ESRRG: variants seen among roughly 807,000 people sequenced by gnomAD.
ESRRG encodes the protein estrogen-related receptor gamma.
A neutral mutation model predicts 44.0 loss-of-function variants in ESRRG; 13 were observed. That is an observed-to-expected ratio of 0.30 (90% confidence interval 0.19 to 0.47). The LOEUF is 0.47. ESRRG is among the 20% of genes least tolerant of loss of function. ESRRG has a pLI of 1.00. For missense variants in ESRRG, 395 were observed against 580.6 expected (o/e 0.68, Z 3.29); for synonymous variants, 215 against 214.6 (o/e 1.00, Z -0.02).
intron 1 of ESRRG, among the ~76,000 whole-genome samples, chr1:216,951,717 A>ATGTGTGTG (rs59233267): frequency 5.5e-3 from 787 of 143,708 alleles, no homozygotes; most frequent in South Asian, 0.012. Flanking sequence ...AACTATCACT[A>ATGTGTGTG]TGTGTGTGTG....
At position 216,982,565 on chromosome 1, in the gene ESRRG, T is replaced by C. The variant is rs1037160483; in HGVS notation, c.-105-42892A>G. Among the ~76,000 whole-genome samples the C allele has an allele frequency of 2.0e-5, 3 of 152,156 alleles. No individual in the cohort carries two copies. In the South Asian group the frequency reaches 6.2e-4, roughly 32 times the overall value. ...AAGGGCAATTTCTGCAGAGCTATGGTTTTATAAAACACCTTCAGGAGAAAA... is the reference window on the plus strand; with the variant it reads ...AAGGGCAATTTCTGCAGAGCTATGGCTTTATAAAACACCTTCAGGAGAAAA... On this transcript the variant is annotated intron_variant, in intron 1 of 7. Coordinates refer to the ESRRG transcript ENST00000359162.
chr1:217,119,385 C>T (rs915337384), intron 1 of ESRRG, among the ~76,000 whole-genome samples: 1 of 152,214 alleles, frequency 6.6e-6, no homozygotes, highest in Non-Finnish European at 1.5e-5. Flanking sequence ...TTAATCCCTT[C>T]AGGTACATGA....
At chr1:216,885,070 C>T (rs2096496274) in intron 2 of ESRRG, among the ~76,000 whole-genome samples, 1 of 152,016 alleles carries the variant, frequency 6.6e-6, no homozygotes. Flanking sequence ...CCACATAGTC[C>T]AACTATTCCA....
At chr1:216,516,690 A>C (rs912386373) in intron 6 of ESRRG, among the ~76,000 whole-genome samples, 3 of 105,248 alleles carry the variant, frequency 2.9e-5, no homozygotes, top group Non-Finnish European at 3.9e-5. Context: ...GAGAAACGAC[A>C]AAAAAAATAG....
At position 217,124,612 on chromosome 1, in the gene ESRRG, A is replaced by G. The variant is rs533787572; in HGVS notation, c.-230+13055T>C. Among the ~76,000 whole-genome samples the G allele has an allele frequency of 1.4e-4, 22 of 152,332 alleles. 1 individual carries two copies. In the South Asian group the frequency reaches 4.6e-3, roughly 32 times the overall value. On this transcript the variant is annotated intron_variant, in intron 1 of 8. Transcript: ENST00000366940. ...ACTATTTAAATCCATCCATCAGATG[A>G]ATACACCACTCTTGAGTTATCTGAA...
chr1:216,885,535 C>G (rs2149352553), intron 2 of ESRRG, among the ~76,000 whole-genome samples: 1 of 151,166 alleles, frequency 6.6e-6, no homozygotes, highest in East Asian at 2.0e-4. Flanking sequence ...GAAAAGTCAC[C>G]CATTCTCCCA....
intron 5 of ESRRG, among the ~76,000 whole-genome samples, chr1:216,536,003 C>G (rs114839615): frequency 6.6e-6 from 1 of 152,108 alleles, no homozygotes; most frequent in Non-Finnish European, 1.5e-5. Flanking sequence ...TGTTCAGATC[C>G]GATTTGATCT....
At chr1:216,881,447 T>C (rs1439287815) in intron 2 of ESRRG, among the ~76,000 whole-genome samples, 1 of 152,114 alleles carries the variant, frequency 6.6e-6, no homozygotes, top group Admixed American at 6.5e-5. Flanking sequence ...CTTCCTCTGG[T>C]CCTCTTCTAA....
At chr1:216,721,880 C>G (rs1045349968) in intron 1 of ESRRG, among the ~76,000 whole-genome samples, 1 of 152,080 alleles carries the variant, frequency 6.6e-6, no homozygotes, top group Non-Finnish European at 1.5e-5. Flanking sequence ...TGTTTCTTCC[C>G]TTGAGTGTTT....
chr1:216,975,726 T>C (rs1013288425), intron 1 of ESRRG, among the ~76,000 whole-genome samples: 10 of 152,132 alleles, frequency 6.6e-5, no homozygotes, highest in African/African-American at 2.4e-4. Flanking sequence ...ATCCCTTTGA[T>C]TGTAGAATGC....
intron 2 of ESRRG, among the ~76,000 whole-genome samples, chr1:216,667,146 C>T (rs563965441): frequency 1.3e-4 from 20 of 152,226 alleles, no homozygotes; most frequent in South Asian, 6.2e-4. Flanking sequence ...CTACTCCGTC[C>T]GAGGACACTA....
intron 3 of ESRRG, among the ~76,000 whole-genome samples, chr1:216,631,366 A>G (rs1819770): frequency 0.81 from 122,856 of 152,202 alleles, 49,802 homozygotes; most frequent in Middle Eastern, 0.84. Flanking sequence ...GCTACTTATT[A>G]TCTTGGTAAA....
intron 1 of ESRRG, among the ~76,000 whole-genome samples, chr1:217,053,941 A>G (rs992299465): frequency 3.3e-5 from 5 of 151,848 alleles, no homozygotes; most frequent in African/African-American, 1.2e-4. Flanking sequence ...GTCTCAGCCA[A>G]TTCCTCAGCA....
intron 5 of ESRRG, among the ~76,000 whole-genome samples, chr1:216,520,318 G>T (rs926994886): frequency 1.9e-4 from 29 of 152,008 alleles, no homozygotes; most frequent in Non-Finnish European, 3.8e-4. Flanking sequence ...CTGAAATTCA[G>T]TAAGTGTTGT....
intron 2 of ESRRG, among the ~76,000 whole-genome samples, chr1:216,750,446 T>C (rs1194281358): frequency 1.3e-5 from 2 of 152,270 alleles, no homozygotes; most frequent in East Asian, 1.9e-4. Context: ...TAGTTTGTGG[T>C]CTTTTAAAAA....
chr1:217,000,945 A>T (rs2076960815), intron 1 of ESRRG, among the ~76,000 whole-genome samples: 1 of 152,240 alleles, frequency 6.6e-6, no homozygotes. Flanking sequence ...CACCAAAATG[A>T]ACCATGCTGT....
At chr1:216,986,321 C>G (rs2074855224) in intron 1 of ESRRG, among the ~76,000 whole-genome samples, 1 of 152,052 alleles carries the variant, frequency 6.6e-6, no homozygotes, top group Non-Finnish European at 1.5e-5. Context: ...TCTACCACTC[C>G]ATCCACTCTG....
rs368526583 is a variant in ESRRG, at chr1:216,911,684, A to G, written c.-14+27898T>C. 2.6e-5 allele frequency among the ~76,000 whole-genome samples: 4 copies of G among 151,662 alleles called. No individual in the cohort carries two copies. In the East Asian group the frequency reaches 5.8e-4, roughly 22 times the overall value. On this transcript the variant is annotated intron_variant, in intron 2 of 7. Coordinates refer to the ESRRG transcript ENST00000359162. ...AGCTGATAATGGAGCAGGCTGTGCT[A>G]GTGTCAGGGAGGGGTATATGGAAAC...
At chr1:216,952,662 G>A (rs754067394) in intron 1 of ESRRG, among the ~76,000 whole-genome samples, 15 of 152,078 alleles carry the variant, frequency 9.9e-5, no homozygotes, top group Non-Finnish European at 5.9e-5. Context: ...TGAGAGTCAT[G>A]CAAGATAGCA....
Sources: gnomAD v4.1 joint callset for allele counts (sites outside exome capture counted in the v4.1 genomes callset) on GRCh38, gnomAD v4.1.1 for gene constraint, MANE v1.5 for transcripts, NCBI Gene and HGNC (gene_info 2026-07-23, HGNC 2026-07-21) for gene names.